Variants in ZBTB44 observed in about 807,000 individuals in gnomAD.
ZBTB44 encodes the protein zinc finger and BTB domain containing 44, also known as zinc finger and BTB domain-containing protein 44.
A neutral mutation model predicts 54.0 loss-of-function variants in ZBTB44; 15 were observed. That is an observed-to-expected ratio of 0.28 (90% CI 0.19 to 0.43). ZBTB44 has a LOEUF of 0.43. Ranked by LOEUF, ZBTB44 falls within the 20% of genes least tolerant of loss-of-function variation. The pLI, the probability that ZBTB44 is intolerant of heterozygous loss-of-function variation, is 1.00. For synonymous variants in ZBTB44, 230 were observed against 250.1 expected (o/e 0.92, Z 0.76); for missense variants, 487 against 707.1 (o/e 0.69, Z 3.53).
chr11:130,270,096 G>A (rs552359838), intron 1 of ZBTB44, among the ~76,000 whole-genome samples: 1 of 152,266 alleles, frequency 6.6e-6, no homozygotes, highest in South Asian at 2.1e-4. Context: ...TGATGAAAGA[G>A]AAAGTAATGA....
chr11:130,284,640 G>C (rs977224507), intron 1 of ZBTB44, among the ~76,000 whole-genome samples: 2 of 152,108 alleles, frequency 1.3e-5, no homozygotes. Context: ...AGGCTGAGGC[G>C]GGTGGATCAC....
At chr11:130,271,767 A>G (rs997780588) in intron 1 of ZBTB44, among the ~76,000 whole-genome samples, 4 of 152,238 alleles carry the variant, frequency 2.6e-5, no homozygotes, top group African/African-American at 4.8e-5. Flanking sequence ...TATTATGAAT[A>G]ATGCTGCTAT....
intron 2 of ZBTB44, among the ~76,000 whole-genome samples, chr11:130,260,190 T>A (rs1308984236): frequency 6.6e-6 from 1 of 152,216 alleles, no homozygotes; most frequent in Admixed American, 6.5e-5. Flanking sequence ...CCCTACAGTT[T>A]CAGGCATCTG....
chr11:130,306,756 T>C (rs1262130325), intron 1 of ZBTB44, among the ~76,000 whole-genome samples: 3 of 151,504 alleles, frequency 2.0e-5, no homozygotes, highest in Non-Finnish European at 4.4e-5. Flanking sequence ...TTGGATGGAG[T>C]TGTAAGCCAT....
chr11:130,270,238 T>C (rs1010913009), intron 1 of ZBTB44, among the ~76,000 whole-genome samples: 4 of 152,318 alleles, frequency 2.6e-5, no homozygotes, highest in Admixed American at 1.3e-4. Flanking sequence ...AGGTTTTAAT[T>C]ATGCTAAAAC....
rs1026265279 is a variant in ZBTB44, at chr11:130,228,349, T to C, written c.*3415A>G. On this transcript the variant is annotated 3_prime_UTR_variant, in exon 8 of 8. Coordinates refer to ENST00000357899, the MANE Select transcript of ZBTB44 (RefSeq NM_001301098.2). Reference sequence around the variant, plus strand: ...TTCCAAATACCTGATGTCACTCATTTCAGGTACCTGAAAGATGAAAAGCAG... The same window carrying C: ...TTCCAAATACCTGATGTCACTCATTCCAGGTACCTGAAAGATGAAAAGCAG... 6.6e-6 allele frequency: 1 copy of C among 152,244 alleles called. No homozygotes were observed. Among genetic ancestry groups the C allele is most frequent in the Non-Finnish European group, 1.5e-5 (1 of 68,038 alleles). 9.4% of individuals were successfully genotyped at this position (152,244 alleles called of 1,614,324 possible).
At chr11:130,299,456 G>A (rs1370111859) in intron 1 of ZBTB44, among the ~76,000 whole-genome samples, 6 of 152,014 alleles carry the variant, frequency 3.9e-5, no homozygotes, top group Non-Finnish European at 8.8e-5. Context: ...GGGAGGCTGG[G>A]GCAGGAGAAT....
Position 130,281,800 on chromosome 11 carries a change from TTTCGCC to T in ZBTB44, c.-56-19877_-56-19872del, listed in dbSNP as rs1565674249. On this transcript the variant is annotated intron_variant, in intron 1 of 7. Transcript: ENST00000357899. ...TAGTAGAGACGGGGTTTCGCCGGGG[TTTCGCC>T]GTGTTAGCCAGGATGGTCTCGATCT... Among the ~76,000 whole-genome samples, 14 of 150,952 alleles carry T rather than the reference TTTCGCC, an allele frequency of 9.3e-5. No homozygotes were observed. In the East Asian group the frequency reaches 1.4e-3, roughly 15 times the overall value.
intron 2 of ZBTB44, among the ~76,000 whole-genome samples, chr11:130,258,131 G>C (rs906198079): frequency 6.6e-6 from 1 of 152,028 alleles, no homozygotes; most frequent in Non-Finnish European, 1.5e-5. Flanking sequence ...ATAGCACTAA[G>C]GAAGAAAAAA....
intron 1 of ZBTB44, among the ~76,000 whole-genome samples, chr11:130,304,454 C>A (rs574220466): frequency 2.6e-5 from 4 of 152,072 alleles, no homozygotes; most frequent in Non-Finnish European, 4.4e-5. Context: ...ACCCTCTTTA[C>A]AACAGTCTTT....
Position 130,260,912 on chromosome 11 carries a change from G to A in ZBTB44, c.962C>T (p.Pro321Leu). ...GTCCTCTTGGACTTGTTCACTTCCT[G>A]GAACTGTCTGCTGATCACTCAGCGA... ...QSSLSDQQTVPGSEQVQEDLL... is the reference protein window; with the variant it reads ...QSSLSDQQTVLGSEQVQEDLL... The change falls in exon 2 of 8, where the codon CCA (proline) becomes CTA (leucine). Residue 321 changes from proline to leucine, a missense_variant. Physicochemically the swap from Pro to Leu is moderately conservative, Grantham distance 98. This residue lies in a region of ZBTB44 where 277 missense variants were observed against 306.5 expected (regional missense o/e 0.90). Transcript: ENST00000357899. 9 of 1,613,958 alleles carry A rather than the reference G, an allele frequency of 5.6e-6. No individual in the cohort carries two copies. The highest frequency in any genetic ancestry group is 7.6e-6 in the Non-Finnish European group (9 of 1,179,888).
chr11:130,278,710 A>G (rs183738721), intron 1 of ZBTB44, among the ~76,000 whole-genome samples: 26 of 152,306 alleles, frequency 1.7e-4, no homozygotes, highest in Admixed American at 1.4e-3. Context: ...AGTGAAGAAG[A>G]GCACTGCTAG....
chr11:130,236,820 G>C lies in ZBTB44; in HGVS notation c.1541C>G (p.Ser514Ter). 7.3e-7 allele frequency: 1 copy of C among 1,363,336 alleles called. No individual in the cohort carries two copies. Among genetic ancestry groups the C allele is most frequent in the Non-Finnish European group, 9.5e-7 (1 of 1,057,050 alleles). The allele number at this position is 1,363,336 out of a possible 1,614,324, so 84.5% of individuals were successfully genotyped here. ...VHLRSLNHEASELANYFQSSD... is the reference protein window; with the variant it reads ...VHLRSLNHEA ...GCTCTGGAAGTAGTTTGCTAGCTCTGATGCTTCATGGTTCAGACTCCTCAG... is the reference window on the plus strand; with the variant it reads ...GCTCTGGAAGTAGTTTGCTAGCTCTCATGCTTCATGGTTCAGACTCCTCAG... Residue 514 changes from serine to a stop codon, truncating the protein, a stop_gained, in exon 5 of 8, where the codon TCA becomes TGA. Transcript: ENST00000357899. LOFTEE classifies it high-confidence loss of function.
At chr11:130,268,194 T>C (rs1591991633) in intron 1 of ZBTB44, among the ~76,000 whole-genome samples, 1 of 144,500 alleles carries the variant, frequency 6.9e-6, no homozygotes, top group South Asian at 2.2e-4. Context: ...AGGAGCTCAA[T>C]GCAATGGAGT....
Position 130,227,051 on chromosome 11 carries a change from T to A in ZBTB44, c.*4713A>T, listed in dbSNP as rs1025154311. 3 of 152,100 alleles carry A rather than the reference T, an allele frequency of 2.0e-5. No homozygotes were observed. The highest frequency in any genetic ancestry group is 7.2e-5 in the African/African-American group (3 of 41,410). 9.4% of individuals were successfully genotyped at this position (152,100 alleles called of 1,614,324 possible). A position where few individuals can be genotyped will look rare whatever the true frequency, so the allele number is the denominator to read the frequency against. Reference sequence around the variant, plus strand: ...AACATGATATTCACATTGATTACAATAACCCTAAAAATGATTGTAACGTTG... The same window carrying A: ...AACATGATATTCACATTGATTACAAAAACCCTAAAAATGATTGTAACGTTG... On this transcript the variant is annotated 3_prime_UTR_variant, in exon 8 of 8. Coordinates refer to ENST00000357899, the MANE Select transcript of ZBTB44 (RefSeq NM_001301098.2).
In ZBTB44 at chr11:130,260,968, T is replaced by C. The variant is rs749832484; in HGVS notation, c.906A>G (p.Glu302=). 4 of 1,614,002 alleles carry C rather than the reference T, an allele frequency of 2.5e-6. No homozygotes were observed. The Admixed American group carries it at 5.0e-5, about 20-fold the overall frequency. The change falls in exon 2 of 8, where the codon GAA becomes GAG. Residue 302 remains glutamate, a synonymous_variant. Coordinates refer to ENST00000357899, the MANE Select transcript of ZBTB44 (RefSeq NM_001301098.2). ...ERLSDEEVHE[E]VSQPVSASQS... The stretch of plus-strand genomic sequence containing the variant: ...GAGATGCACTGACAGGCTGGGACAC[T>C]TCCTCATGGACCTCCTCATCACTTA...
intron 7 of ZBTB44, chr11:130,232,169 C>T (rs1953898356): frequency 6.6e-6 from 1 of 151,954 alleles, no homozygotes; most frequent in Non-Finnish European, 1.5e-5. Context: ...CAGAATTAGC[C>T]AATCTAAAAA....
At position 130,230,280 on chromosome 11, in the gene ZBTB44, G is replaced by A. The variant is rs1188039338; in HGVS notation, c.*1484C>T. ...ATACAGCTTCCAAAGGCTCCCAAGA[G>A]AACCATTTATAAACTGGGAGAGTCT... On this transcript the variant is annotated 3_prime_UTR_variant, in exon 8 of 8. Transcript: ENST00000357899. 1 of 151,918 alleles carries A rather than the reference G, an allele frequency of 6.6e-6. No individual in the cohort carries two copies. The highest frequency in any genetic ancestry group is 1.5e-5 in the Non-Finnish European group (1 of 67,884). The allele number at this position is 151,918 out of a possible 1,614,324, so 9.4% of individuals were successfully genotyped here. A position where few individuals can be genotyped will look rare whatever the true frequency, so the allele number is the denominator to read the frequency against.
chr11:130,275,026 A>G lies in ZBTB44; in HGVS notation c.-56-13097T>C, dbSNP rs566829646. ...AGGTAGTTTTTAAATTACTAATCTC[A>G]TTACTTGATATAGATCTATTCAGAT... On this transcript the variant is annotated intron_variant, in intron 1 of 7. Transcript: ENST00000357899. Among the ~76,000 whole-genome samples the G allele has an allele frequency of 4.6e-5, 7 of 152,330 alleles. No individual in the cohort carries two copies. In the East Asian group the frequency reaches 1.2e-3, roughly 25 times the overall value.
Sources: allele counts gnomAD v4.1 joint callset (sites outside exome capture counted in the v4.1 genomes callset), GRCh38; gene constraint gnomAD v4.1.1; regional missense constraint gnomAD v4.1.1; transcripts MANE v1.5; gene names NCBI Gene and HGNC (gene_info 2026-07-23, HGNC 2026-07-21).